AMBRA1: variants seen among roughly 807,000 people sequenced by gnomAD.
The protein encoded by AMBRA1 is activating molecule in BECN1-regulated autophagy protein 1.
Under a neutral mutation model 125.4 loss-of-function variants are expected in AMBRA1, and 47 were observed. That is an observed-to-expected ratio of 0.37 (90% CI 0.30 to 0.48). AMBRA1 has a LOEUF of 0.48. AMBRA1 is among the 20% of genes least tolerant of loss of function. The pLI is 0.99. For synonymous variants in AMBRA1, 626 were observed against 655.5 expected, an observed-to-expected ratio of 0.95 and a Z score of 0.69; for missense variants, 1,331 against 1,693.4, an observed-to-expected ratio of 0.79 and a Z score of 3.76.
At chr11:46,454,643 T>G (rs1046820726) in intron 11 of AMBRA1, among the ~76,000 whole-genome samples, 1 of 150,098 alleles carries the variant, frequency 6.7e-6, no homozygotes, top group Admixed American at 6.6e-5. Flanking sequence ...CCCAGCTACT[T>G]GGGAGGCTGA....
intron 5 of AMBRA1, among the ~76,000 whole-genome samples, chr11:46,544,586 T>C (rs977771439): frequency 9.2e-5 from 14 of 152,202 alleles, no homozygotes. Flanking sequence ...AAATGTCAAT[T>C]ATGTGCTTAC....
rs1951314294 is a variant in AMBRA1 at position 46,512,736 on chromosome 11, T to A, written c.2150A>T (p.Asp717Val). 1.2e-6 allele frequency: 2 copies of A among 1,613,034 alleles called. No homozygotes were observed. The highest frequency in any genetic ancestry group is 2.7e-5 in the African/African-American group (2 of 74,838). ...AGSREHPIYP[D>V]PARLSPAAYY... ...CTCACTTTGGCCTTACCTCGCTGGG[T>A]CTGGGTAAATTGGGTGCTCTCTGGA... The change falls in exon 8 of 18, where the codon GAC becomes GTC. Residue 717 changes from aspartate to valine, a missense_variant. Asp to Val is a radical substitution (Grantham distance 152). Around this residue, in one of 4 missense-constraint regions of AMBRA1, gnomAD observed 689 missense variants for 776.5 expected, o/e 0.89. Coordinates refer to ENST00000683756, the MANE Select transcript of AMBRA1 (RefSeq NM_001387011.1).
chr11:46,561,184 T>C (rs1160291258), intron 1 of AMBRA1, among the ~76,000 whole-genome samples: 1 of 151,926 alleles, frequency 6.6e-6, no homozygotes. Flanking sequence ...AGTTCGAGAC[T>C]AGCCTGGCCA....
chr11:46,425,963 G>A (rs1253798021), intron 14 of AMBRA1, among the ~76,000 whole-genome samples: 2 of 150,922 alleles, frequency 1.3e-5, no homozygotes, highest in South Asian at 2.1e-4. Context: ...TGGCTAACAC[G>A]GTGAAACCCC....
At chr11:46,575,767 G>A (rs913611834) in intron 1 of AMBRA1, among the ~76,000 whole-genome samples, 3 of 152,048 alleles carry the variant, frequency 2.0e-5, no homozygotes, top group Non-Finnish European at 2.9e-5. Context: ...TGCCTGCCAC[G>A]GCATCCCAAA....
chr11:46,545,836 C>A, intron 4 of AMBRA1, 60 bp from the exon 5 acceptor site: 1 of 1,547,752 alleles, frequency 6.5e-7, no homozygotes, highest in South Asian at 1.2e-5. Flanking sequence ...ACTGGGAAGT[C>A]AATTTCAAGA....
At chr11:46,530,932 G>C (rs1301085353) in intron 7 of AMBRA1, among the ~76,000 whole-genome samples, 3 of 152,184 alleles carry the variant, frequency 2.0e-5, no homozygotes, top group Non-Finnish European at 4.4e-5. Flanking sequence ...AGCCCAGGCT[G>C]GAGTGCAGTG....
chr11:46,428,008 CAAAAAAAAAA>C (rs57618324), intron 14 of AMBRA1, among the ~76,000 whole-genome samples: 1 of 63,384 alleles, frequency 1.6e-5, no homozygotes, highest in Non-Finnish European at 3.0e-5. Flanking sequence ...GACTCCATGT[CAAAAAAAAAA>C]AAAAAAAAAA....
intron 17 of AMBRA1, among the ~76,000 whole-genome samples, chr11:46,401,460 CA>C (rs1237977588): frequency 1.3e-5 from 2 of 152,154 alleles, no homozygotes; most frequent in Non-Finnish European, 2.9e-5. Flanking sequence ...AGGCTGGTAT[CA>C]GACTCCTGAC....
intron 14 of AMBRA1, among the ~76,000 whole-genome samples, chr11:46,418,266 A>G (rs1946648490): frequency 7.0e-6 from 1 of 143,356 alleles, no homozygotes; most frequent in Non-Finnish European, 1.5e-5. Context: ...TATTATTTAT[A>G]TATAATATGT....
intron 7 of AMBRA1, among the ~76,000 whole-genome samples, chr11:46,523,566 CT>C (rs1475315984): frequency 6.6e-6 from 1 of 152,202 alleles, no homozygotes; most frequent in Non-Finnish European, 1.5e-5. Flanking sequence ...CATTTTCCCC[CT>C]GTACTATAAT....
intron 14 of AMBRA1, among the ~76,000 whole-genome samples, 182 bp from the exon 15 acceptor site, chr11:46,418,234 T>C (rs894675756): frequency 6.9e-6 from 1 of 144,808 alleles, no homozygotes; most frequent in Non-Finnish European, 1.5e-5. Flanking sequence ...TATTTATATA[T>C]AAATATATAT....
intron 1 of AMBRA1, among the ~76,000 whole-genome samples, chr11:46,553,194 C>G (rs978047820): frequency 6.6e-6 from 1 of 152,054 alleles, no homozygotes; most frequent in Admixed American, 6.6e-5. Context: ...CCACCCGCCT[C>G]AGCCTCCCAA....
At chr11:46,549,583 A>G (rs2042926697) in intron 1 of AMBRA1, among the ~76,000 whole-genome samples, 1 of 152,180 alleles carries the variant, frequency 6.6e-6, no homozygotes. Context: ...GTTCTGCCTC[A>G]TAACCACAAT....
At chr11:46,574,168 T>C (rs1286966094) in intron 1 of AMBRA1, among the ~76,000 whole-genome samples, 3 of 145,520 alleles carry the variant, frequency 2.1e-5, no homozygotes, top group Non-Finnish European at 4.5e-5. Context: ...TATAGTCCTT[T>C]GGGTATATAC....
chr11:46,593,171 C>T (rs962405334), intron 1 of AMBRA1, among the ~76,000 whole-genome samples: 1 of 152,120 alleles, frequency 6.6e-6, no homozygotes, highest in Non-Finnish European at 1.5e-5. Context: ...AGTCTATATT[C>T]CTAGGAAAAT....
At chr11:46,440,209 T>C (rs1477302147) in intron 12 of AMBRA1, among the ~76,000 whole-genome samples, 1 of 152,176 alleles carries the variant, frequency 6.6e-6, no homozygotes, top group Admixed American at 6.6e-5. Context: ...AGACTAGTTA[T>C]GGTACATTCA....
At chr11:46,454,564 T>A in intron 11 of AMBRA1, among the ~76,000 whole-genome samples, 1 of 120,744 alleles carries the variant, frequency 8.3e-6, no homozygotes. Flanking sequence ...TGAAACCCCA[T>A]CTCCACTAAA....
chr11:46,569,428 T>TA (rs60592464), intron 1 of AMBRA1, among the ~76,000 whole-genome samples: 1,471 of 127,018 alleles, frequency 0.012, 12 homozygotes, highest in South Asian at 0.013. Context: ...ACTGAGAGAT[T>TA]AAAAAAAAAA....
Sources: gnomAD v4.1 joint callset for allele counts (sites outside exome capture counted in the v4.1 genomes callset) on GRCh38, gnomAD v4.1.1 for gene constraint, gnomAD v4.1.1 regional missense constraint, MANE v1.5 for transcripts, NCBI Gene and HGNC (gene_info 2026-07-23, HGNC 2026-07-21) for gene names.